The following NALF1 variants were observed in gnomAD, a reference collection of about 807,000 sequenced individuals.
NALF1 encodes NALCN channel auxiliary factor 1, also known as family with sequence similarity 155 member A.
In NALF1, 3 loss-of-function variants were observed where a neutral mutation model predicts 48.4. That is an observed-to-expected ratio of 0.06 (90% CI 0.03 to 0.16). The LOEUF is 0.16. NALF1 is among the 10% of genes least tolerant of loss of function. The pLI, the probability that NALF1 is intolerant of heterozygous loss-of-function variation, is 1.00. For synonymous variants in NALF1, 262 were observed against 245.7 expected, an observed-to-expected ratio of 1.07 and a Z score of -0.62; for missense variants, 526 against 571.5, an observed-to-expected ratio of 0.92 and a Z score of 0.81.
intron 2 of NALF1, among the ~76,000 whole-genome samples, chr13:107,183,190 C>T (rs1009830688): frequency 6.6e-6 from 1 of 152,168 alleles, no homozygotes; most frequent in Non-Finnish European, 1.5e-5. Context: ...GTCCCAGCGA[C>T]ACACCCCTGG....
intron 1 of NALF1, among the ~76,000 whole-genome samples, chr13:107,643,460 G>T (rs992678492): frequency 1.3e-5 from 2 of 151,048 alleles, no homozygotes; most frequent in African/African-American, 4.9e-5. Context: ...TAAGTTACAG[G>T]AAGGGCTTCC....
At chr13:107,233,876 A>G (rs1880281790) in intron 1 of NALF1, among the ~76,000 whole-genome samples, 1 of 152,240 alleles carries the variant, frequency 6.6e-6, no homozygotes, top group South Asian at 2.1e-4. Context: ...TAATAAAGTC[A>G]GCAGTTATAG....
intron 1 of NALF1, among the ~76,000 whole-genome samples, chr13:107,559,514 G>T (rs1248877659): frequency 6.6e-6 from 1 of 152,140 alleles, no homozygotes; most frequent in Non-Finnish European, 1.5e-5. Flanking sequence ...TAGACTCAAA[G>T]TAAGGAAGGG....
chr13:107,721,563 T>A (rs905928299), intron 1 of NALF1, among the ~76,000 whole-genome samples: 20 of 152,210 alleles, frequency 1.3e-4, no homozygotes, highest in African/African-American at 4.3e-4. Flanking sequence ...TCTCTCTCCG[T>A]GTGGCCTCAC....
chr13:107,646,073 T>C (rs560770210), intron 1 of NALF1, among the ~76,000 whole-genome samples: 15 of 152,252 alleles, frequency 9.9e-5, no homozygotes, highest in African/African-American at 2.4e-4. Context: ...TTCCCTGCTC[T>C]TGGTAACAGC....
rs541355714 is a variant in NALF1 at position 107,367,909 on chromosome 13, A to G, written c.916-157154T>C. ...AAAGCACTCTTCTTGTAAAAGGGACATCTTTCTGAAGATGCTATCTTTGAT... is the reference window on the plus strand; with the variant it reads ...AAAGCACTCTTCTTGTAAAAGGGACGTCTTTCTGAAGATGCTATCTTTGAT... On this transcript the variant is annotated intron_variant, in intron 1 of 2. Coordinates refer to ENST00000375915, the MANE Select transcript of NALF1 (RefSeq NM_001080396.3). Among the ~76,000 whole-genome samples the G allele has an allele frequency of 9.2e-5, 14 of 152,334 alleles. No individual in the cohort carries two copies. The South Asian group carries it at 2.9e-3, about 32-fold the overall frequency.
At chr13:107,438,827 C>CAAAAAAAAA (rs61686895) in intron 1 of NALF1, among the ~76,000 whole-genome samples, 543 of 17,936 alleles carry the variant, frequency 0.03, 140 homozygotes, top group East Asian at 0.091. Flanking sequence ...GACTCCATCT[C>CAAAAAAAAA]AAAAAAAAAA....
At chr13:107,377,296 C>T (rs557406173) in intron 1 of NALF1, among the ~76,000 whole-genome samples, 1 of 152,218 alleles carries the variant, frequency 6.6e-6, no homozygotes, top group East Asian at 1.9e-4. Context: ...AGTTGCAGAG[C>T]TAGAGAAGAA....
intron 1 of NALF1, among the ~76,000 whole-genome samples, chr13:107,355,804 G>GT (rs2138949571): frequency 6.6e-6 from 1 of 152,240 alleles, no homozygotes; most frequent in Non-Finnish European, 1.5e-5. Flanking sequence ...GTCTCAGGTA[G>GT]TTTTTTATAA....
At chr13:107,505,207 A>G (rs1875656159) in intron 1 of NALF1, among the ~76,000 whole-genome samples, 2 of 152,166 alleles carry the variant, frequency 1.3e-5, no homozygotes, top group Admixed American at 1.3e-4. Context: ...CTAGCAGACA[A>G]TACAGAAAGT....
At chr13:107,624,583 T>A (rs1475215520) in intron 1 of NALF1, among the ~76,000 whole-genome samples, 1 of 152,192 alleles carries the variant, frequency 6.6e-6, no homozygotes, top group East Asian at 1.9e-4. Flanking sequence ...ATCATTTTAA[T>A]AGCAGCAGAG....
chr13:107,290,218 C>CTA (rs1881593283), intron 1 of NALF1, among the ~76,000 whole-genome samples: 1 of 149,264 alleles, frequency 6.7e-6, no homozygotes, highest in Non-Finnish European at 1.5e-5. Context: ...CATTTTGCCA[C>CTA]AAATTATGTT....
chr13:107,537,241 T>TA (rs373496445), intron 1 of NALF1, among the ~76,000 whole-genome samples: 13 of 150,714 alleles, frequency 8.6e-5, no homozygotes, highest in Middle Eastern at 3.4e-3. Context: ...TTTAAAAAGT[T>TA]AAAAAAAAAG....
intron 1 of NALF1, among the ~76,000 whole-genome samples, chr13:107,767,810 C>A (rs1285858980): frequency 6.6e-6 from 1 of 152,134 alleles, no homozygotes; most frequent in Non-Finnish European, 1.5e-5. Flanking sequence ...TGATAGCATA[C>A]CCTGCTCTAG....
At chr13:107,497,751 C>A (rs1001777663) in intron 1 of NALF1, among the ~76,000 whole-genome samples, 1 of 152,140 alleles carries the variant, frequency 6.6e-6, no homozygotes, top group Non-Finnish European at 1.5e-5. Context: ...TACAGAAAGT[C>A]CAAGGTCAGA....
At chr13:107,402,118 T>TGAAACCTTTTGACTTAGCAA (rs1883819455) in intron 1 of NALF1, among the ~76,000 whole-genome samples, 1 of 152,168 alleles carries the variant, frequency 6.6e-6, no homozygotes, top group Non-Finnish European at 1.5e-5. Context: ...CAAAAGGTAG[T>TGAAACCTTTTGACTTAGCAA]GACTTCAGTC....
intron 1 of NALF1, among the ~76,000 whole-genome samples, chr13:107,310,095 C>T (rs781471795): frequency 2.0e-5 from 3 of 151,968 alleles, no homozygotes; most frequent in Non-Finnish European, 4.4e-5. Flanking sequence ...CTTTTAATGT[C>T]TTGATACTTC....
intron 1 of NALF1, among the ~76,000 whole-genome samples, chr13:107,805,726 T>C (rs1261654950): frequency 3.3e-5 from 5 of 152,324 alleles, no homozygotes; most frequent in Middle Eastern, 3.4e-3. Flanking sequence ...GGAGCAAATG[T>C]ACACAGAAAT....
intron 1 of NALF1, among the ~76,000 whole-genome samples, chr13:107,692,941 T>C (rs781600699): frequency 2.0e-5 from 3 of 152,150 alleles, no homozygotes; most frequent in African/African-American, 7.2e-5. Context: ...CTATTGTGAA[T>C]AGTGCTGCAA....
Sources: allele counts gnomAD v4.1 joint callset (sites outside exome capture counted in the v4.1 genomes callset), GRCh38; gene constraint gnomAD v4.1.1; transcripts MANE v1.5; gene names NCBI Gene and HGNC (gene_info 2026-07-23, HGNC 2026-07-21).